Variants in CSMD1 observed in about 807,000 individuals in gnomAD.
CSMD1 encodes the protein CUB and sushi domain-containing protein 1.
Under a neutral mutation model 417.5 loss-of-function variants are expected in CSMD1, and 213 were observed. The observed-to-expected ratio is 0.51, with a 90% CI of 0.46 to 0.57. The LOEUF is 0.57. Ranked by LOEUF, CSMD1 falls within the 20% of genes least tolerant of loss-of-function variation. The pLI, the probability that CSMD1 is intolerant of heterozygous loss-of-function variation, is 0.00. For synonymous variants in CSMD1, 2,862 were observed against 1,736.8 expected (o/e 1.65, Z -16.11); for missense variants, 6,923 against 4,529.7 (o/e 1.53, Z -15.17).
chr8:4,604,308 A>G (rs1192552626), intron 2 of CSMD1, among the ~76,000 whole-genome samples: 1 of 151,536 alleles, frequency 6.6e-6, no homozygotes, highest in Non-Finnish European at 1.5e-5. Context: ...TATAACAGGA[A>G]TATGCATTAA....
intron 8 of CSMD1, among the ~76,000 whole-genome samples, chr8:3,603,006 G>C (rs1801435663): frequency 1.3e-5 from 2 of 152,130 alleles, no homozygotes; most frequent in South Asian, 4.1e-4. Flanking sequence ...GTAAGAGAGA[G>C]GGAGGATATT....
intron 3 of CSMD1, among the ~76,000 whole-genome samples, chr8:4,404,242 C>G (rs1336637652): frequency 6.6e-6 from 1 of 152,076 alleles, no homozygotes. Flanking sequence ...TATCTGTCAC[C>G]TTGTGATAGG....
rs1410387854 is a variant in CSMD1 at position 4,031,838 on chromosome 8, T to G, written c.610+67A>C. The G allele has an allele frequency of 8.8e-6, 11 of 1,251,494 alleles. No homozygotes were observed. In the East Asian group the frequency reaches 1.5e-4, roughly 17 times the overall value. 77.5% of individuals were successfully genotyped at this position (1,251,494 alleles called of 1,614,324 possible). A position where few individuals can be genotyped will look rare whatever the true frequency, so the allele number is the denominator to read the frequency against. On this transcript the variant is annotated intron_variant, in intron 4 of 69. Coordinates refer to ENST00000635120, the MANE Select transcript of CSMD1 (RefSeq NM_033225.6). ...ATTTTCATTTAAGTGGAAACTTTCA[T>G]AAAAGCATCTCCAAAACCATTGCCC... is the stretch of plus-strand genomic sequence containing the variant.
chr8:4,867,793 A>G (rs1253480290), intron 1 of CSMD1, among the ~76,000 whole-genome samples: 1 of 152,122 alleles, frequency 6.6e-6, no homozygotes, highest in Non-Finnish European at 1.5e-5. Flanking sequence ...TGATCCCTCT[A>G]ATAAATACAT....
intron 5 of CSMD1, among the ~76,000 whole-genome samples, chr8:3,822,297 G>C (rs1301354980): frequency 6.6e-6 from 1 of 152,040 alleles, no homozygotes; most frequent in Non-Finnish European, 1.5e-5. Flanking sequence ...CTTGTGTCTA[G>C]GGGGAAGAAC....
chr8:4,005,860 G>T (rs1486658267), intron 4 of CSMD1, among the ~76,000 whole-genome samples: 1 of 152,162 alleles, frequency 6.6e-6, no homozygotes, highest in Non-Finnish European at 1.5e-5. Flanking sequence ...TAATTCCCTG[G>T]TCCCCATGAA....
At chr8:3,429,914 C>G (rs1267157627) in intron 12 of CSMD1, among the ~76,000 whole-genome samples, 1 of 152,146 alleles carries the variant, frequency 6.6e-6, no homozygotes, top group African/African-American at 2.4e-5. Flanking sequence ...GGGGCACTGG[C>G]CACACTGTCT....
chr8:4,306,658 A>G (rs28647855), intron 3 of CSMD1, among the ~76,000 whole-genome samples: 6,772 of 152,112 alleles, frequency 0.045, 304 homozygotes, highest in African/African-American at 0.11. Context: ...TGTCGATCAC[A>G]TGTAGGTGAT....
At chr8:4,677,412 TTC>T (rs143182974) in intron 1 of CSMD1, among the ~76,000 whole-genome samples, 26 of 150,498 alleles carry the variant, frequency 1.7e-4, no homozygotes, top group Non-Finnish European at 1.6e-4. Flanking sequence ...TAGAGACAGA[TTC>T]TCTCTCTCTC....
intron 1 of CSMD1, among the ~76,000 whole-genome samples, chr8:4,956,818 G>T (rs935286350): frequency 6.6e-6 from 1 of 152,158 alleles, no homozygotes; most frequent in Non-Finnish European, 1.5e-5. Flanking sequence ...CCCACCTGTT[G>T]CATTGCTTCC....
intron 25 of CSMD1, among the ~76,000 whole-genome samples, chr8:3,304,631 T>G (rs1338657856): frequency 6.6e-6 from 1 of 152,188 alleles, no homozygotes; most frequent in Non-Finnish European, 1.5e-5. Flanking sequence ...TGATAGTGTG[T>G]ACCTCATATT....
In CSMD1 at chr8:3,387,607, C is replaced by G. The variant is rs1454337672; in HGVS notation, c.2669G>C (p.Gly890Ala). ...GCTGAAAGTCACTGTGGACCTGATG[C>G]CAAAGTCTCCACCGTGGCGATGGCC... is the stretch of plus-strand genomic sequence containing the variant. Reference protein sequence around the residue: ...VNGHRHGGDFGIRSTVTFSCD... With the variant: ...VNGHRHGGDFAIRSTVTFSCD... The change falls in exon 18 of 70, where the codon GGC (glycine) becomes GCC (alanine). Residue 890 changes from glycine to alanine, a missense_variant. Coordinates refer to ENST00000635120, the MANE Select transcript of CSMD1 (RefSeq NM_033225.6). The G allele has an allele frequency of 5.6e-6, 9 of 1,601,212 alleles. No individual in the cohort carries two copies. Among genetic ancestry groups the G allele is most frequent in the South Asian group, 1.1e-5 (1 of 88,500 alleles).
At chr8:4,221,920 A>C (rs1443011255) in intron 3 of CSMD1, among the ~76,000 whole-genome samples, 3 of 152,180 alleles carry the variant, frequency 2.0e-5, no homozygotes, top group African/African-American at 7.2e-5. Context: ...TGCCTAGAGA[A>C]GCTAAGGCAA....
At chr8:4,196,522 A>T (rs1198581264) in intron 3 of CSMD1, among the ~76,000 whole-genome samples, 1 of 152,038 alleles carries the variant, frequency 6.6e-6, no homozygotes, top group Middle Eastern at 3.2e-3. Context: ...CCACATTCCC[A>T]TTTCCTTGCT....
chr8:3,697,174 C>T (rs950930282), intron 7 of CSMD1, among the ~76,000 whole-genome samples: 1 of 152,140 alleles, frequency 6.6e-6, no homozygotes, highest in Non-Finnish European at 1.5e-5. Context: ...ACTTTTCATT[C>T]AGTGAGGCTA....
intron 41 of CSMD1, among the ~76,000 whole-genome samples, chr8:3,124,399 T>G (rs1817379086): frequency 6.6e-6 from 1 of 152,178 alleles, no homozygotes; most frequent in Non-Finnish European, 1.5e-5. Context: ...AAAACCTGGT[T>G]AAGGTTATGC....
chr8:4,354,408 A>G (rs889433693), intron 3 of CSMD1, among the ~76,000 whole-genome samples: 1 of 152,184 alleles, frequency 6.6e-6, no homozygotes, highest in African/African-American at 2.4e-5. Flanking sequence ...CCGTTCCCCA[A>G]CAGAACTGAA....
intron 26 of CSMD1, among the ~76,000 whole-genome samples, chr8:3,269,191 G>T (rs1039203928): frequency 1.7e-4 from 26 of 152,210 alleles, no homozygotes; most frequent in Non-Finnish European, 7.3e-5. Flanking sequence ...GGTGTCCACG[G>T]GACGGAAAGC....
chr8:3,811,571 G>A (rs1236435387), intron 5 of CSMD1, among the ~76,000 whole-genome samples: 2 of 151,990 alleles, frequency 1.3e-5, no homozygotes, highest in Non-Finnish European at 2.9e-5. Flanking sequence ...CCACATCCTC[G>A]GTCAAGGCCA....
Sources: allele counts gnomAD v4.1 joint callset (sites outside exome capture counted in the v4.1 genomes callset), GRCh38; gene constraint gnomAD v4.1.1; transcripts MANE v1.5; gene names NCBI Gene and HGNC (gene_info 2026-07-23, HGNC 2026-07-21).